Variants in CABIN1 observed in about 807,000 individuals in gnomAD.
CABIN1 encodes the protein calcineurin binding protein 1.
Under a neutral mutation model 227.7 loss-of-function variants are expected in CABIN1, and 133 were observed. That is an observed-to-expected ratio of 0.58 (90% confidence interval 0.51 to 0.67). CABIN1 has a LOEUF of 0.67. Ranked by LOEUF, CABIN1 falls within the 30% of genes least tolerant of loss-of-function variation. CABIN1 has a pLI of 0.00. For missense variants in CABIN1, 2,408 were observed against 2,852.5 expected, an observed-to-expected ratio of 0.84 and a Z score of 3.55; for synonymous variants, 1,086 against 1,155.1, an observed-to-expected ratio of 0.94 and a Z score of 1.21.
Position 24,083,278 on chromosome 22 carries a change from C to G in CABIN1, c.2799C>G (p.His933Gln). 6.2e-7 allele frequency: 1 copy of G among 1,613,334 alleles called. No homozygotes were observed. Among genetic ancestry groups the G allele is most frequent in the Non-Finnish European group, 8.5e-7 (1 of 1,180,030 alleles). The stretch of plus-strand genomic sequence containing the variant: ...CTGCATCCACCTCTGAAGACACGCA[C>G]CCTTACAAGGAGGAGCTGGAGACAG... ...ELAASTSEDT[H>Q]PYKEELETAL... The change falls in exon 20 of 37, where the codon CAC becomes CAG. Residue 933 changes from histidine (H) to glutamine (Q), a missense_variant. By Grantham distance (24) the His-to-Gln change is conservative. Transcript: ENST00000263119.
Position 24,072,447 on chromosome 22 carries a change from C to T in CABIN1, c.2569C>T (p.Gln857Ter). The T allele has an allele frequency of 1.9e-6, 3 of 1,614,206 alleles. No individual in the cohort carries two copies. The highest frequency in any genetic ancestry group is 2.5e-6 in the Non-Finnish European group (3 of 1,180,042). The change falls in exon 18 of 37, where the codon CAG becomes TAG. Residue 857 changes from glutamine to a stop codon, truncating the protein, a stop_gained. Transcript: ENST00000263119. LOFTEE classifies it high-confidence loss of function. Reference sequence around the variant, plus strand: ...GATCATTCTACACCGGATCATCTGGCAGGAGGAAGACACCTTCCATTCTCT... The same window carrying T: ...GATCATTCTACACCGGATCATCTGGTAGGAGGAAGACACCTTCCATTCTCT... ...PWIILHRIIW[Q>*]EEDTFHSLCH... is the part of the protein sequence containing the mutation.
intron 26 of CABIN1, among the ~76,000 whole-genome samples, chr22:24,101,897 T>TTGAGTGG (rs2041111154): frequency 1.3e-5 from 2 of 152,090 alleles, no homozygotes; most frequent in Non-Finnish European, 2.9e-5. Context: ...CCGTGTGTAA[T>TTGAGTGG]TACGCCCTAC....
chr22:24,069,996 G>T (rs149549166), intron 16 of CABIN1, among the ~76,000 whole-genome samples: 4 of 151,834 alleles, frequency 2.6e-5, no homozygotes, highest in Non-Finnish European at 5.9e-5. Flanking sequence ...TCACAGACAG[G>T]CTGTGTTTCC....
chr22:24,119,787 G>A (rs2043294160), intron 28 of CABIN1, 89 bp downstream of exon 28: 8 of 1,229,898 alleles, frequency 6.5e-6, no homozygotes, highest in African/African-American at 4.4e-5. Flanking sequence ...AGACAGATTG[G>A]AGCTTCACGG....
chr22:24,119,683 C>T lies in CABIN1; in HGVS notation c.4617C>T (p.Tyr1539=), dbSNP rs1186077782. Residue 1539 remains tyrosine (Y), a synonymous_variant, in exon 28 of 37, where the codon TAC becomes TAT. Transcript: ENST00000263119. ...ACCGTCTGGCCTTCCTCTACACCTA[C>T]AGCAAGACCCACCGGGTGAGTGGCT... ...SLYRLAFLYT[Y]SKTHRNLQWA... is the part of the protein sequence containing the mutation. 1.2e-6 allele frequency: 2 copies of T among 1,613,984 alleles called. No homozygotes were observed. Among genetic ancestry groups the T allele is most frequent in the Non-Finnish European group, 1.7e-6 (2 of 1,180,016 alleles).
intron 29 of CABIN1, among the ~76,000 whole-genome samples, chr22:24,162,476 G>A (rs1370715482): frequency 6.6e-6 from 1 of 152,220 alleles, no homozygotes; most frequent in Non-Finnish European, 1.5e-5. Context: ...CCATACTGGG[G>A]CATGTGAATG....
chr22:24,089,155 C>G (rs2041370961), intron 23 of CABIN1, among the ~76,000 whole-genome samples: 3 of 152,128 alleles, frequency 2.0e-5, no homozygotes, highest in Admixed American at 6.5e-5. Context: ...CCAATGATGG[C>G]AAATGAGATT....
intron 1 of CABIN1, among the ~76,000 whole-genome samples, chr22:24,015,912 C>T (rs910478328): frequency 8.6e-5 from 13 of 152,040 alleles, no homozygotes; most frequent in Admixed American, 1.3e-4. Context: ...GAGCCGAGAT[C>T]GCGCCACTGC....
Position 24,165,645 on chromosome 22 carries a change from C to T in CABIN1, c.5007+19C>T. ...CGCAGAGGTATGCCACCTGTGTCCT[C>T]CTCTCCTCCACGGCCCATGAACACG... On this transcript the variant is annotated intron_variant, in intron 31 of 36. Transcript: ENST00000263119. 1.2e-6 allele frequency: 2 copies of T among 1,602,044 alleles called. No individual in the cohort carries two copies. Among genetic ancestry groups the T allele is most frequent in the Non-Finnish European group, 1.7e-6 (2 of 1,172,216 alleles).
At chr22:24,072,231 G>A (rs2040139025) in intron 17 of CABIN1, 123 bp from the exon 18 acceptor site, 5 of 919,038 alleles carry the variant, frequency 5.4e-6, no homozygotes, top group Non-Finnish European at 6.9e-6. Flanking sequence ...GCCCACATCT[G>A]AGCAGTGGGG....
chr22:24,064,522 T>TTTTG (rs2039449597), intron 15 of CABIN1, among the ~76,000 whole-genome samples: 1 of 149,856 alleles, frequency 6.7e-6, no homozygotes, highest in African/African-American at 2.5e-5. Context: ...GTTTTTTTTT[T>TTTTG]TTTTTTTTTT....
At position 24,091,576 on chromosome 22, in the gene CABIN1, C is replaced by T; in HGVS notation, c.3526-7C>T. ...AAGGCCAGCCCAGTCTCATGATCTT[C>T]TTACAGATGGAGGGCCGGCGCGACA... is the stretch of plus-strand genomic sequence containing the variant. On this transcript the variant is annotated splice_polypyrimidine_tract_variant and splice_region_variant and intron_variant, in intron 23 of 36. Coordinates refer to ENST00000263119, the MANE Select transcript of CABIN1 (RefSeq NM_012295.4). The T allele has an allele frequency of 1.2e-6, 2 of 1,614,180 alleles. No homozygotes were observed. The highest frequency in any genetic ancestry group is 1.7e-6 in the Non-Finnish European group (2 of 1,180,036).
At position 24,177,272 on chromosome 22, in the gene CABIN1, G is replaced by A. The variant is rs2047169863; in HGVS notation, c.6206-232G>A. Among the ~76,000 whole-genome samples the A allele has an allele frequency of 6.6e-6, 1 of 152,188 alleles. No homozygotes were observed. The highest frequency in any genetic ancestry group is 2.4e-5 in the African/African-American group (1 of 41,436). ...TCAGGTCCTGGGCTTTGAGTTCATG[G>A]TGTTACTGGGTAAGGTTCACAGTCC... is the stretch of plus-strand genomic sequence containing the variant. On this transcript the variant is annotated intron_variant, in intron 35 of 36. Transcript: ENST00000263119. The surrounding 1 kb of genome is among the most constrained non-coding windows in gnomAD (Gnocchi z 4.4).
intron 5 of CABIN1, 87 bp downstream of exon 5, chr22:24,041,360 AAG>A: frequency 6.4e-7 from 1 of 1,554,264 alleles, no homozygotes; most frequent in Non-Finnish European, 8.8e-7. Context: ...GGCCAAAAAG[AAG>A]AGTTTGTAGT....
At chr22:24,054,790 T>C in intron 8 of CABIN1, 83 bp from the exon 9 acceptor site, 1 of 1,574,726 alleles carries the variant, frequency 6.4e-7, no homozygotes, top group Non-Finnish European at 8.7e-7. Context: ...CTGCCGCCTC[T>C]GTGCAGGCAG....
chr22:24,108,094 C>G (rs193297028), intron 26 of CABIN1, among the ~76,000 whole-genome samples: 73 of 152,276 alleles, frequency 4.8e-4, no homozygotes, highest in African/African-American at 1.6e-3. Context: ...ACTAGCCACG[C>G]CTTTGTGGGA....
chr22:24,154,381 G>A (rs1476535984), intron 29 of CABIN1, among the ~76,000 whole-genome samples: 1 of 152,172 alleles, frequency 6.6e-6, no homozygotes, highest in African/African-American at 2.4e-5. Context: ...CCTTATTGCT[G>A]TGTGACTGCA....
Position 24,119,358 on chromosome 22 carries a change from C to T in CABIN1, c.4301-9C>T. On this transcript the variant is annotated splice_polypyrimidine_tract_variant and intron_variant, in intron 27 of 36. Coordinates refer to ENST00000263119, the MANE Select transcript of CABIN1 (RefSeq NM_012295.4). ...AGGGTGACTTTCTTTCCCTTCTTCTCAACTGTAGGAAAAAACGAGGAGTCA... is the reference window on the plus strand; with the variant it reads ...AGGGTGACTTTCTTTCCCTTCTTCTTAACTGTAGGAAAAAACGAGGAGTCA... 6.2e-7 allele frequency: 1 copy of T among 1,610,224 alleles called. No homozygotes were observed. The highest frequency in any genetic ancestry group is 8.5e-7 in the Non-Finnish European group (1 of 1,179,478).
At chr22:24,087,212 A>G (rs577504382) in intron 22 of CABIN1, among the ~76,000 whole-genome samples, 1 of 152,216 alleles carries the variant, frequency 6.6e-6, no homozygotes, top group Non-Finnish European at 1.5e-5. Context: ...CATAATGCCC[A>G]CAGCTCTTCT....
Sources: gnomAD v4.1 joint callset for allele counts (sites outside exome capture counted in the v4.1 genomes callset) on GRCh38, gnomAD v4.1.1 for gene constraint, Gnocchi (gnomAD v3.1) non-coding constraint, MANE v1.5 for transcripts, NCBI Gene and HGNC (gene_info 2026-07-23, HGNC 2026-07-21) for gene names.